Variants in PALM3 observed in about 807,000 individuals in gnomAD.
PALM3 encodes the protein paralemmin 3.
Under a neutral mutation model 27.9 loss-of-function variants are expected in PALM3, and 20 were observed. The observed-to-expected ratio is 0.72, with a 90% CI of 0.50 to 1.04. The LOEUF is 1.04. PALM3 is among the 50% of genes least tolerant of loss of function. PALM3 has a pLI of 0.00. For missense variants in PALM3, 814 were observed against 869.4 expected, an observed-to-expected ratio of 0.94 and a Z score of 0.80; for synonymous variants, 328 against 352.7, an observed-to-expected ratio of 0.93 and a Z score of 0.79.
intron 6 of PALM3, 48 bp downstream of exon 6, chr19:14,055,317 CACCCTCTCACACCCA>C (rs1976285718): frequency 6.9e-6 from 10 of 1,439,526 alleles, no homozygotes; most frequent in Non-Finnish European, 7.3e-6. Context: ...CCCCTTGAGT[CACCCTCTCACACCCA>C]GGCTCTGGGG....
rs971833970 is a variant in PALM3, at chr19:14,053,699, G to A, written c.1973C>T (p.Ala658Val). 58 of 1,501,268 alleles carry A rather than the reference G, an allele frequency of 3.9e-5. No homozygotes were observed. In the East Asian group the frequency reaches 3.9e-4, roughly 10 times the overall value. 93.0% of individuals were successfully genotyped at this position (1,501,268 alleles called of 1,614,324 possible). A position where few individuals can be genotyped will look rare whatever the true frequency, so the allele number is the denominator to read the frequency against. Residue 658 changes from alanine to valine, a missense_variant, in exon 7 of 7, where the codon GCG (alanine) becomes GTG (valine). Physicochemically the swap from Ala to Val is moderately conservative, Grantham distance 64 (BLOSUM62 0). Coordinates refer to ENST00000669674, the MANE Select transcript of PALM3 (RefSeq NM_001145028.2). ...AGATGGCTCAGGCTGCCGGGCAGGC[G>A]CGTAGGTGGGCACAGGGTGGGCACT... ...NPSAHPVPTYAPARQPEPSAP... is the reference protein window; with the variant it reads ...NPSAHPVPTYVPARQPEPSAP...
chr19:14,059,490 G>A (rs761320744), intron 1 of PALM3, among the ~76,000 whole-genome samples: 7 of 152,084 alleles, frequency 4.6e-5, no homozygotes, highest in Non-Finnish European at 7.4e-5. Context: ...AGCTATTCAT[G>A]CAGGGAAAAG....
chr19:14,056,417 T>C lies in PALM3; in HGVS notation c.399+12A>G, dbSNP rs1277769806. The C allele has an allele frequency of 4.5e-6, 7 of 1,545,490 alleles. No homozygotes were observed. The highest frequency in any genetic ancestry group is 1.4e-5 in the African/African-American group (1 of 73,008). ...ATGCCCTCCCATCCCACTCCCCTGA[T>C]TCCCCCCTCACCTGTCTGCGCCAGC... On this transcript the variant is annotated intron_variant, in intron 5 of 6. Transcript: ENST00000669674.
intron 2 of PALM3, among the ~76,000 whole-genome samples, chr19:14,058,381 T>C (rs1027485237): frequency 1.8e-5 from 2 of 108,532 alleles, no homozygotes; most frequent in African/African-American, 7.5e-5. Flanking sequence ...TGGGGTTCCA[T>C]AGATGGGGAA....
chr19:14,056,912 A>C, intron 3 of PALM3, 108 bp from the exon 4 acceptor site: 1 of 1,098,002 alleles, frequency 9.1e-7, no homozygotes, highest in Non-Finnish European at 1.2e-6. Context: ...CCACCTCACA[A>C]CCAGTTGCGA....
At chr19:14,055,799 G>T (rs938432840) in intron 5 of PALM3, among the ~76,000 whole-genome samples, 10 of 152,148 alleles carry the variant, frequency 6.6e-5, no homozygotes, top group African/African-American at 2.2e-4. Context: ...CGCCCAGGCT[G>T]GAGTGCAGTG....
intron 3 of PALM3, 138 bp downstream of exon 3, chr19:14,057,213 A>G (rs1976322327): frequency 2.9e-6 from 1 of 339,830 alleles, no homozygotes; most frequent in African/African-American, 2.6e-5. Context: ...CGCCCCGGCC[A>G]AGCTGGAACC....
chr19:14,059,732 G>A (rs560794052), intron 1 of PALM3, among the ~76,000 whole-genome samples: 39 of 152,124 alleles, frequency 2.6e-4, no homozygotes, highest in Non-Finnish European at 4.3e-4. Flanking sequence ...CGCTGGGGGG[G>A]CAAGCGAGTC....
chr19:14,053,738 G>C lies in PALM3; in HGVS notation c.1934C>G (p.Pro645Arg). The C allele has an allele frequency of 1.3e-6, 2 of 1,531,248 alleles. No homozygotes were observed. Among genetic ancestry groups the C allele is most frequent in the African/African-American group, 2.8e-5 (2 of 72,644 alleles). 94.9% of individuals were successfully genotyped at this position (1,531,248 alleles called of 1,614,324 possible). Residue 645 changes from proline (P) to arginine (R), a missense_variant, in exon 7 of 7, where the codon CCC becomes CGC. Pro to Arg is a moderately radical substitution (Grantham distance 103). Transcript: ENST00000669674. ...ECQPLLQGEG[P>R]SANPSAHPVP... ...AGGGTGGGCACTGGGGTTGGCGCTG[G>C]GCCCCTCCCCCTGAAGCAGTGGCTG...
At position 14,054,625 on chromosome 19, in the gene PALM3, A is replaced by G. The variant is rs1334860448; in HGVS notation, c.1047T>C (p.Ser349=). 1.9e-6 allele frequency: 3 copies of G among 1,551,450 alleles called. No homozygotes were observed. The highest frequency in any genetic ancestry group is 3.9e-5 in the Admixed American group (2 of 50,920). The change falls in exon 7 of 7, where the codon TCT becomes TCC. Residue 349 remains serine, a synonymous_variant. Transcript: ENST00000669674. ...GSPEGDGQGG[S]GGEEGSFIWV... is the part of the protein sequence containing the mutation. ...AAATGAAGGATCCCTCCTCTCCTCCAGAGCCTCCCTGCCCATCACCCTCAG... is the reference window on the plus strand; with the variant it reads ...AAATGAAGGATCCCTCCTCTCCTCCGGAGCCTCCCTGCCCATCACCCTCAG...
In PALM3 at chr19:14,053,481, T is replaced by C. The variant is rs879191969; in HGVS notation, c.*124A>G. ...CCCAGGTTTAGGTGGACGTGCAGGC[T>C]AGCTGGCTCCCAGGTGCCATGGCCA... is the stretch of plus-strand genomic sequence containing the variant. On this transcript the variant is annotated 3_prime_UTR_variant, in exon 7 of 7. Transcript: ENST00000669674. 2.0e-5 allele frequency: 23 copies of C among 1,171,096 alleles called. No individual in the cohort carries two copies. In the South Asian group the frequency reaches 4.4e-4, roughly 23 times the overall value. The allele number at this position is 1,171,096 out of a possible 1,614,324, so 72.5% of individuals were successfully genotyped here.
rs753204318 is a variant in PALM3, at chr19:14,056,822, G to A, written c.172-18C>T. The A allele has an allele frequency of 1.6e-5, 24 of 1,534,748 alleles. No individual in the cohort carries two copies. The highest frequency in any genetic ancestry group is 2.0e-5 in the Non-Finnish European group (23 of 1,139,012). On this transcript the variant is annotated intron_variant, in intron 3 of 6. Coordinates refer to ENST00000669674, the MANE Select transcript of PALM3 (RefSeq NM_001145028.2). ...GACTTCCTCTGGGCAGGGGAAGGGAGTTGGGGCTGGGCATACAGACTACCC... is the reference window on the plus strand; with the variant it reads ...GACTTCCTCTGGGCAGGGGAAGGGAATTGGGGCTGGGCATACAGACTACCC...
intron 6 of PALM3, 36 bp downstream of exon 6, chr19:14,055,317 CACCCTCTCACACCCAGGCTCTGGGGTG>C: frequency 4.2e-6 from 6 of 1,439,580 alleles, no homozygotes; most frequent in Non-Finnish European, 5.5e-6. Context: ...CCCCTTGAGT[CACCCTCTCACACCCAGGCTCTGGGGTG>C]ACCTGACCCC....
intron 2 of PALM3, among the ~76,000 whole-genome samples, chr19:14,058,909 T>A: frequency 6.6e-6 from 1 of 151,688 alleles, no homozygotes; most frequent in Non-Finnish European, 1.5e-5. Context: ...ATGCAGGCTC[T>A]GGAAGTGTGG....
Position 14,057,406 on chromosome 19 carries a change from A to G in PALM3, c.116T>C (p.Ile39Thr). ...CTCCACCTCCCGGCGCGCGGCGCGG[A>G]TCTCCTCCTGCAGCCGCCGCTTCTC... The part of the protein sequence containing the change: ...IAEKRRLQEE[I>T]RAARREVEEE... The change falls in exon 3 of 7, where the codon ATC (isoleucine) becomes ACC (threonine). Residue 39 changes from isoleucine to threonine, a missense_variant. Physicochemically the swap from Ile to Thr is moderately conservative, Grantham distance 89. Transcript: ENST00000669674. 2 of 1,542,174 alleles carry G rather than the reference A, an allele frequency of 1.3e-6. No individual in the cohort carries two copies. The highest frequency in any genetic ancestry group is 1.7e-6 in the Non-Finnish European group (2 of 1,144,632).
At chr19:14,058,811 G>A (rs1170998503) in intron 2 of PALM3, among the ~76,000 whole-genome samples, 1 of 152,002 alleles carries the variant, frequency 6.6e-6, no homozygotes, top group Non-Finnish European at 1.5e-5. Flanking sequence ...AGATTTGAGA[G>A]ATAGCGGTCT....
rs1487178527 is a variant in PALM3, at chr19:14,053,965, C to T, written c.1707G>A (p.Glu569=). The T allele has an allele frequency of 6.4e-7, 1 of 1,551,532 alleles. No homozygotes were observed. Among genetic ancestry groups the T allele is most frequent in the Non-Finnish European group, 8.7e-7 (1 of 1,146,924 alleles). Residue 569 remains glutamate, a synonymous_variant, in exon 7 of 7, where the codon GAG becomes GAA. Transcript: ENST00000669674. ...CAAGGGGAGGCCCTGCCTCATTCAT[C>T]TCCTCTGCCTGGGATTCACTTCCTT... ...SREGSESQAE[E]MNEAGPPLEA... is the part of the protein sequence containing the mutation.
At chr19:14,060,610 A>G (rs543326780) in intron 1 of PALM3, among the ~76,000 whole-genome samples, 1 of 152,260 alleles carries the variant, frequency 6.6e-6, no homozygotes, top group South Asian at 2.1e-4. Context: ...AAGGTCATGG[A>G]GCCAAGATCA....
Position 14,054,900 on chromosome 19 carries a change from T to C in PALM3, c.772A>G (p.Lys258Glu), listed in dbSNP as rs1303326984. Residue 258 changes from lysine (K) to glutamate (E), a missense_variant, in exon 7 of 7, where the codon AAG becomes GAG. Coordinates refer to ENST00000669674, the MANE Select transcript of PALM3 (RefSeq NM_001145028.2). ...GCTTCCAGCACCACTTCCTCCACCTTAGCCTCCAGCTCGGGGCCCGTGGCC... is the reference window on the plus strand; with the variant it reads ...GCTTCCAGCACCACTTCCTCCACCTCAGCCTCCAGCTCGGGGCCCGTGGCC... ...TGATGPELEA[K>E]VEEVVLEAIG... 3 of 1,549,258 alleles carry C rather than the reference T, an allele frequency of 1.9e-6. No homozygotes were observed. Among genetic ancestry groups the C allele is most frequent in the East Asian group, 2.4e-5 (1 of 40,916 alleles).
Sources: gnomAD v4.1 joint callset for allele counts (sites outside exome capture counted in the v4.1 genomes callset) on GRCh38, gnomAD v4.1.1 for gene constraint, MANE v1.5 for transcripts, NCBI Gene and HGNC (gene_info 2026-07-23, HGNC 2026-07-21) for gene names.